Variants in CYYR1 observed in about 807,000 individuals in gnomAD.
The protein encoded by CYYR1 is cysteine and tyrosine rich 1.
Under a neutral mutation model 15.2 loss-of-function variants are expected in CYYR1, and 14 were observed. The ratio of observed to expected loss-of-function variants is 0.92; its 90% CI spans 0.61 to 1.44. The LOEUF (loss-of-function observed/expected upper bound fraction) is 1.44. Ranked by LOEUF, CYYR1 falls within the 40% of genes most tolerant of loss-of-function variation. CYYR1 has a pLI of 0.00. For synonymous variants in CYYR1, 80 were observed against 77.4 expected (o/e 1.03, Z -0.18); for missense variants, 228 against 209.5 (o/e 1.09, Z -0.54).
At chr21:26,498,985 G>T (rs894160070) in intron 2 of CYYR1, among the ~76,000 whole-genome samples, 25 of 152,166 alleles carry the variant, frequency 1.6e-4, no homozygotes, top group African/African-American at 5.8e-4. Context: ...AGATTTGGTT[G>T]AGGACACAGC....
intron 2 of CYYR1, among the ~76,000 whole-genome samples, chr21:26,545,004 T>C (rs1379031187): frequency 1.3e-5 from 2 of 152,040 alleles, no homozygotes; most frequent in Admixed American, 6.6e-5. Flanking sequence ...TAAAATGACA[T>C]GTAAAGGATA....
chr21:26,556,024 T>G (rs1484729682), intron 2 of CYYR1, among the ~76,000 whole-genome samples: 1 of 152,188 alleles, frequency 6.6e-6, no homozygotes, highest in East Asian at 1.9e-4. Flanking sequence ...GAGGTTAAAT[T>G]ATTATAATCA....
At chr21:26,468,742 G>T in intron 3 of CYYR1, 108 bp from the exon 4 acceptor site, 1 of 821,866 alleles carries the variant, frequency 1.2e-6, no homozygotes, top group African/African-American at 1.7e-5. Context: ...AATTGTGGCT[G>T]CAAAAATCTT....
chr21:26,565,028 T>C (rs1980512703), intron 2 of CYYR1, among the ~76,000 whole-genome samples: 1 of 152,182 alleles, frequency 6.6e-6, no homozygotes, highest in African/African-American at 2.4e-5. Context: ...AAACCATCCA[T>C]GAAGAAAAAT....
Position 26,505,754 on chromosome 21 carries a change from T to C in CYYR1, c.177-25325A>G, listed in dbSNP as rs576085050. On this transcript the variant is annotated intron_variant, in intron 2 of 3. Coordinates refer to ENST00000652641, the MANE Select transcript of CYYR1 (RefSeq NM_001320768.2). ...AAATGAAAGGAAGTTATTGTTTACA[T>C]AACACCATACAAAGAGGACATTTTG... Among the ~76,000 whole-genome samples, 28 of 152,320 alleles carry C rather than the reference T, an allele frequency of 1.8e-4. No individual in the cohort carries two copies. In the South Asian group the frequency reaches 5.6e-3, roughly 30 times the overall value.
At chr21:26,549,715 G>A (rs997892994) in intron 2 of CYYR1, among the ~76,000 whole-genome samples, 1 of 152,154 alleles carries the variant, frequency 6.6e-6, no homozygotes, top group African/African-American at 2.4e-5. Context: ...ATACATGTAC[G>A]AAATGCCAGG....
At chr21:26,522,976 G>A (rs909394184) in intron 2 of CYYR1, among the ~76,000 whole-genome samples, 14 of 152,214 alleles carry the variant, frequency 9.2e-5, no homozygotes, top group Admixed American at 6.5e-5. Context: ...TCTGGACTTC[G>A]TCAGGAGGCA....
rs2065283549 is a variant in CYYR1 at position 26,488,511 on chromosome 21, C to CCA, written c.177-8084_177-8083dup. ...AAAGCAATCTGCCTGCCTCAGCCTC[C>CCA]CAAAGTGCTGGGATTACAGGCATGA... On this transcript the variant is annotated intron_variant, in intron 2 of 3. Coordinates refer to ENST00000652641, the MANE Select transcript of CYYR1 (RefSeq NM_001320768.2). Among the ~76,000 whole-genome samples, 10 of 152,246 alleles carry CCA rather than the reference C, an allele frequency of 6.6e-5. 1 individual carries two copies. In the South Asian group the frequency reaches 2.1e-3, roughly 32 times the overall value.
intron 2 of CYYR1, chr21:26,550,681 G>A (rs933821525): frequency 2.0e-5 from 3 of 152,194 alleles, no homozygotes; most frequent in Non-Finnish European, 4.4e-5. Context: ...CTCTCTTCAA[G>A]TTTGTGAAGA....
At chr21:26,572,722 C>A (rs1981084381) in intron 1 of CYYR1, 146 bp downstream of exon 1, 1 of 950,822 alleles carries the variant, frequency 1.1e-6, no homozygotes, top group Non-Finnish European at 1.5e-6. Context: ...CGGGTTTCTG[C>A]CGTCGCCTCG....
chr21:26,532,910 ATTATCT>A (rs1452728337), intron 2 of CYYR1, among the ~76,000 whole-genome samples: 4 of 152,106 alleles, frequency 2.6e-5, no homozygotes, highest in East Asian at 1.9e-4. Flanking sequence ...GTCGTATAAA[ATTATCT>A]TTATGTTATG....
At chr21:26,512,919 T>G (rs1203306839) in intron 2 of CYYR1, among the ~76,000 whole-genome samples, 5 of 152,186 alleles carry the variant, frequency 3.3e-5, no homozygotes, top group Non-Finnish European at 7.3e-5. Flanking sequence ...CAAATAGTCA[T>G]CAAAGTAAGT....
intron 2 of CYYR1, among the ~76,000 whole-genome samples, chr21:26,496,502 T>C (rs1328991184): frequency 4.6e-5 from 7 of 152,218 alleles, no homozygotes; most frequent in Non-Finnish European, 1.0e-4. Flanking sequence ...ATTTAAAATA[T>C]AGGAAGAAAT....
At chr21:26,491,255 A>T (rs1454667325) in intron 2 of CYYR1, among the ~76,000 whole-genome samples, 1 of 152,144 alleles carries the variant, frequency 6.6e-6, no homozygotes, top group East Asian at 1.9e-4. Context: ...CTTTGCTGAA[A>T]CTTCCCACTG....
intron 2 of CYYR1, among the ~76,000 whole-genome samples, chr21:26,486,567 G>A (rs1293596824): frequency 6.6e-6 from 1 of 151,888 alleles, no homozygotes; most frequent in Non-Finnish European, 1.5e-5. Flanking sequence ...TTGCACCTTT[G>A]TCAAAAATCA....
Position 26,573,129 on chromosome 21 carries a change from C to T in CYYR1, c.-189G>A. On this transcript the variant is annotated 5_prime_UTR_variant, in exon 1 of 4. Transcript: ENST00000652641. ...GCGTCCCGGGCCAGCGACTGCGGGA[C>T]TCCGCGGAGCTGGGGCGCCCGTGGC... is the stretch of plus-strand genomic sequence containing the variant. 6.7e-7 allele frequency: 1 copy of T among 1,499,894 alleles called. No individual in the cohort carries two copies. The highest frequency in any genetic ancestry group is 1.4e-5 in the African/African-American group (1 of 70,964). 92.9% of individuals were successfully genotyped at this position (1,499,894 alleles called of 1,614,324 possible).
In CYYR1 at chr21:26,466,973, A is replaced by G. The variant is rs1249208904; in HGVS notation, c.*1528T>C. ...TATCTTTCTAATATAGGTATTTGAA[A>G]GTAATATATGCTACTTATAATAATG... On this transcript the variant is annotated 3_prime_UTR_variant, in exon 4 of 4. Transcript: ENST00000652641. 1 of 152,194 alleles carries G rather than the reference A, an allele frequency of 6.6e-6. No homozygotes were observed. Among genetic ancestry groups the G allele is most frequent in the Non-Finnish European group, 1.5e-5 (1 of 68,024 alleles). 9.4% of individuals were successfully genotyped at this position (152,194 alleles called of 1,614,324 possible).
intron 2 of CYYR1, among the ~76,000 whole-genome samples, chr21:26,516,948 T>C (rs996439488): frequency 4.0e-5 from 6 of 150,326 alleles, no homozygotes; most frequent in African/African-American, 1.5e-4. Context: ...ACCCCGTCTC[T>C]ACTAAAAATA....
intron 2 of CYYR1, among the ~76,000 whole-genome samples, chr21:26,514,063 T>C (rs930091584): frequency 1.3e-5 from 1 of 77,452 alleles, no homozygotes; most frequent in Admixed American, 1.3e-4. Context: ...TGAAGTATAA[T>C]AATAAAAAAA....
Sources: allele counts gnomAD v4.1 joint callset (sites outside exome capture counted in the v4.1 genomes callset), GRCh38; gene constraint gnomAD v4.1.1; transcripts MANE v1.5; gene names NCBI Gene and HGNC (gene_info 2026-07-23, HGNC 2026-07-21).